NGEF: variants seen among roughly 807,000 people sequenced by gnomAD.
NGEF encodes the protein ephexin-1.
A neutral mutation model predicts 80.9 loss-of-function variants in NGEF; 31 were observed. That is an observed-to-expected ratio of 0.38 (90% CI 0.29 to 0.52). The LOEUF is 0.52. Ranked by LOEUF, NGEF falls within the 20% of genes least tolerant of loss-of-function variation. The probability of loss-of-function intolerance (pLI) is 0.84; values close to 1 mark genes in which losing one functional copy is unlikely to be tolerated. For missense variants in NGEF, 709 were observed against 926.2 expected (o/e 0.77, Z 3.04); for synonymous variants, 371 against 370.2 (o/e 1.00, Z -0.03).
intron 3 of NGEF, among the ~76,000 whole-genome samples, chr2:232,968,386 C>A (rs972672719): frequency 1.3e-5 from 2 of 150,738 alleles, no homozygotes; most frequent in South Asian, 2.1e-4. Context: ...CTGCACCTGG[C>A]CCAGACCTGG....
chr2:232,887,742 T>G (rs1314113894), intron 9 of NGEF, among the ~76,000 whole-genome samples: 1 of 152,038 alleles, frequency 6.6e-6, no homozygotes, highest in Non-Finnish European at 1.5e-5. Context: ...GTGAAGAATG[T>G]CCTGAGAGCC....
chr2:232,966,860 G>C (rs893203353), intron 3 of NGEF, among the ~76,000 whole-genome samples: 1 of 152,068 alleles, frequency 6.6e-6, no homozygotes, highest in Non-Finnish European at 1.5e-5. Flanking sequence ...TGAGGGTGGG[G>C]GGGGAGGCGG....
intron 5 of NGEF, among the ~76,000 whole-genome samples, chr2:232,918,580 T>TA (rs533805586): frequency 2.0e-4 from 30 of 152,076 alleles, no homozygotes; most frequent in Non-Finnish European, 3.4e-4. Flanking sequence ...GCTTATGTTG[T>TA]AAAAGGTTTC....
At chr2:232,916,671 A>G (rs1692809834) in intron 5 of NGEF, among the ~76,000 whole-genome samples, 1 of 152,234 alleles carries the variant, frequency 6.6e-6, no homozygotes, top group African/African-American at 2.4e-5. Flanking sequence ...TGTTTCACCC[A>G]ACAGGTTAGA....
chr2:233,013,034 A>AT (rs1463936857), intron 1 of NGEF, 34 bp downstream of exon 1: 3 of 458,302 alleles, frequency 6.5e-6, no homozygotes, highest in Non-Finnish European at 1.4e-5. Context: ...ATCTCATTTT[A>AT]TTTTTTTAAA....
intron 5 of NGEF, chr2:232,901,481 CTGA>C: frequency 1.0e-6 from 1 of 968,682 alleles, no homozygotes; most frequent in South Asian, 4.8e-5. Context: ...ACTGCTGTCT[CTGA>C]TGCTGTGACC....
At chr2:232,957,531 C>T (rs1262374385) in intron 3 of NGEF, among the ~76,000 whole-genome samples, 2 of 152,192 alleles carry the variant, frequency 1.3e-5, no homozygotes, top group Non-Finnish European at 2.9e-5. Flanking sequence ...CCATGTTAGC[C>T]AGGGTGGTCT....
intron 3 of NGEF, among the ~76,000 whole-genome samples, chr2:232,939,299 T>A (rs1367433781): frequency 6.6e-6 from 1 of 152,074 alleles, no homozygotes; most frequent in African/African-American, 2.4e-5. Flanking sequence ...CTAATGTAGT[T>A]CCATATTAGT....
At chr2:232,983,133 A>G (rs1694471362) in intron 1 of NGEF, among the ~76,000 whole-genome samples, 1 of 152,202 alleles carries the variant, frequency 6.6e-6, no homozygotes, top group Non-Finnish European at 1.5e-5. Context: ...TGAGGGCGAG[A>G]GAAAGATCCT....
At chr2:232,916,890 T>C (rs1355364830) in intron 5 of NGEF, among the ~76,000 whole-genome samples, 2 of 152,230 alleles carry the variant, frequency 1.3e-5, no homozygotes, top group African/African-American at 4.8e-5. Flanking sequence ...CAAACTCTCC[T>C]GAGCAACCTC....
chr2:232,986,871 T>C (rs1694542372), intron 1 of NGEF, among the ~76,000 whole-genome samples: 1 of 152,258 alleles, frequency 6.6e-6, no homozygotes, highest in Non-Finnish European at 1.5e-5. Flanking sequence ...ATTGTATACC[T>C]TGAACATATT....
chr2:232,983,273 G>T lies in NGEF; in HGVS notation c.-74-8309C>A, dbSNP rs910052480. ...CCTAGAAAGTTCTGTACCTGGGGGT[G>T]GGGGGAGCCCCTACTACGCCGTGGC... On this transcript the variant is annotated intron_variant, in intron 1 of 14. Coordinates refer to ENST00000264051, the MANE Select transcript of NGEF (RefSeq NM_019850.3). 3.3e-5 allele frequency among the ~76,000 whole-genome samples: 5 copies of T among 152,090 alleles called. No homozygotes were observed. In the South Asian group the frequency reaches 8.3e-4, roughly 25 times the overall value.
chr2:232,915,226 T>C (rs1692773099), intron 5 of NGEF, among the ~76,000 whole-genome samples: 1 of 150,338 alleles, frequency 6.7e-6, no homozygotes, highest in Non-Finnish European at 1.5e-5. Context: ...TTGATTCCAT[T>C]GGTAGTAGCT....
At chr2:232,971,719 G>A (rs1458792755) in intron 2 of NGEF, among the ~76,000 whole-genome samples, 1 of 152,184 alleles carries the variant, frequency 6.6e-6, no homozygotes, top group Admixed American at 6.5e-5. Context: ...CAAATCTGAT[G>A]AAAACATTTA....
At chr2:232,920,922 A>C (rs1238129168) in intron 4 of NGEF, among the ~76,000 whole-genome samples, 2 of 152,210 alleles carry the variant, frequency 1.3e-5, no homozygotes, top group Non-Finnish European at 2.9e-5. Context: ...GTTGATGGGA[A>C]TGTCCCAACT....
chr2:233,009,611 C>T (rs1695160186), intron 1 of NGEF, among the ~76,000 whole-genome samples: 1 of 148,966 alleles, frequency 6.7e-6, no homozygotes, highest in African/African-American at 2.5e-5. Flanking sequence ...TGAGCCTGGG[C>T]AAGATGGTGA....
At chr2:232,966,870 G>C (rs1694071651) in intron 3 of NGEF, among the ~76,000 whole-genome samples, 1 of 152,022 alleles carries the variant, frequency 6.6e-6, no homozygotes, top group Non-Finnish European at 1.5e-5. Flanking sequence ...GGGGGAGGCG[G>C]GTGAGGAGCT....
At chr2:232,953,375 G>A (rs1482493844) in intron 3 of NGEF, among the ~76,000 whole-genome samples, 1 of 92,028 alleles carries the variant, frequency 1.1e-5, no homozygotes, top group African/African-American at 3.2e-5. Flanking sequence ...GAGAGAGAGA[G>A]AAAAGTGACC....
intron 5 of NGEF, among the ~76,000 whole-genome samples, chr2:232,900,708 T>TCA (rs749130548): frequency 1.6e-4 from 15 of 95,942 alleles, no homozygotes; most frequent in Non-Finnish European, 2.1e-4. Context: ...TCACTCACAT[T>TCA]CACACACACG....
Sources: allele counts gnomAD v4.1 joint callset (sites outside exome capture counted in the v4.1 genomes callset), GRCh38; gene constraint gnomAD v4.1.1; transcripts MANE v1.5; gene names NCBI Gene and HGNC (gene_info 2026-07-23, HGNC 2026-07-21).